The following BHMT variants were observed in gnomAD, a reference collection of about 807,000 sequenced individuals.
BHMT encodes betaine--homocysteine S-methyltransferase 1.
In BHMT, 38 loss-of-function variants were observed where a neutral mutation model predicts 49.5. That is an observed-to-expected ratio of 0.77 (90% CI 0.59 to 1.01). BHMT has a LOEUF of 1.01. Ranked by LOEUF, BHMT falls within the 50% of genes least tolerant of loss-of-function variation. BHMT has a pLI of 0.00. For missense variants in BHMT, 426 were observed against 495.7 expected, an observed-to-expected ratio of 0.86 and a Z score of 1.34; for synonymous variants, 166 against 176.3, an observed-to-expected ratio of 0.94 and a Z score of 0.46.
intron 5 of BHMT, 54 bp downstream of exon 5, chr5:79,121,419 A>G: frequency 6.3e-7 from 1 of 1,599,458 alleles, no homozygotes. Flanking sequence ...AGAACACACT[A>G]GTGCACATCT....
At chr5:79,116,921 C>G (rs1012176725) in intron 2 of BHMT, among the ~76,000 whole-genome samples, 4 of 152,268 alleles carry the variant, frequency 2.6e-5, no homozygotes, top group Middle Eastern at 3.4e-3. Flanking sequence ...AATTACCAGC[C>G]TCATTCTCTT....
At chr5:79,115,718 A>G in intron 1 of BHMT, 49 bp from the exon 2 acceptor site, 1 of 1,509,350 alleles carries the variant, frequency 6.6e-7, no homozygotes, top group Non-Finnish European at 8.9e-7. Flanking sequence ...ATAGAAAATT[A>G]TCTTAAACAC....
rs1172665410 is a variant in BHMT, at chr5:79,126,164, C to G, written c.744C>G (p.Pro248=). 6.2e-7 allele frequency: 1 copy of G among 1,613,818 alleles called. No individual in the cohort carries two copies. Among genetic ancestry groups the G allele is most frequent in the Non-Finnish European group, 8.5e-7 (1 of 1,179,704 alleles). ...ARLKAHLMSQ[P]LAYHTPDCNK... The stretch of plus-strand genomic sequence containing the variant: ...TGAAAGCTCACCTGATGAGCCAGCC[C>G]TTGGCTTACCACACTCCTGACTGCA... The change falls in exon 6 of 8, where the codon CCC becomes CCG. Residue 248 remains proline, a synonymous_variant. Transcript: ENST00000274353.
intron 1 of BHMT, among the ~76,000 whole-genome samples, chr5:79,114,146 A>G (rs1045732268): frequency 2.7e-5 from 4 of 149,894 alleles, no homozygotes; most frequent in Non-Finnish European, 5.9e-5. Flanking sequence ...GTTGTTAATT[A>G]GGTCATAATC....
intron 7 of BHMT, 166 bp downstream of exon 7, chr5:79,128,149 G>T: frequency 1.1e-6 from 1 of 913,140 alleles, no homozygotes; most frequent in Non-Finnish European, 1.6e-6. Context: ...GATTTCTGGA[G>T]ATTGTTTTAA....
intron 5 of BHMT, among the ~76,000 whole-genome samples, chr5:79,123,516 T>TTTGG (rs776530378): frequency 3.1e-4 from 32 of 103,006 alleles, no homozygotes; most frequent in African/African-American, 7.6e-4. Context: ...AAAAGTCCTT[T>TTTGG]TTGGTTGGTT....
chr5:79,119,943 T>C (rs991162735), intron 3 of BHMT, among the ~76,000 whole-genome samples: 2 of 152,208 alleles, frequency 1.3e-5, no homozygotes, highest in African/African-American at 4.8e-5. Context: ...AGAATATACA[T>C]ACAAAAACAT....
intron 6 of BHMT, 63 bp from the exon 7 acceptor site, chr5:79,127,692 C>T: frequency 1.9e-6 from 3 of 1,548,856 alleles, no homozygotes; most frequent in Non-Finnish European, 2.6e-6. Context: ...CTTGTAGCTA[C>T]TTATCTTGAA....
chr5:79,128,179 C>T, intron 7 of BHMT, 196 bp downstream of exon 7: 2 of 786,302 alleles, frequency 2.5e-6, no homozygotes, highest in Non-Finnish European at 1.9e-6. Context: ...ACGTATTTGA[C>T]CTGATTTTGG....
At chr5:79,115,385 TAAG>T (rs35639243) in intron 1 of BHMT, among the ~76,000 whole-genome samples, 59,426 of 151,468 alleles carry the variant, frequency 0.39, 14,103 homozygotes, top group East Asian at 0.6. Context: ...GTTGATAGAG[TAAG>T]AAGACTAGTA....
intron 2 of BHMT, 58 bp downstream of exon 2, chr5:79,115,957 C>A (rs767237180): frequency 9.5e-5 from 144 of 1,511,066 alleles, no homozygotes; most frequent in Non-Finnish European, 1.2e-4. Flanking sequence ...GAGGCTCATG[C>A]CTGTAATCCC....
At chr5:79,125,357 G>A (rs1756536358) in intron 5 of BHMT, among the ~76,000 whole-genome samples, 2 of 151,186 alleles carry the variant, frequency 1.3e-5, no homozygotes, top group African/African-American at 4.9e-5. Flanking sequence ...TCAGGAGGCT[G>A]AGGCAGGAGA....
intron 2 of BHMT, 93 bp downstream of exon 2, chr5:79,115,992 A>G (rs1211719165): frequency 1.1e-5 from 15 of 1,408,206 alleles, no homozygotes; most frequent in Non-Finnish European, 1.3e-5. Flanking sequence ...CTGAGGTGGG[A>G]AGACCACTTG....
intron 1 of BHMT, among the ~76,000 whole-genome samples, chr5:79,113,719 T>C (rs932269540): frequency 2.0e-5 from 3 of 152,302 alleles, no homozygotes; most frequent in Non-Finnish European, 4.4e-5. Flanking sequence ...ATGGTATATT[T>C]TTTTCATAGC....
intron 1 of BHMT, among the ~76,000 whole-genome samples, chr5:79,114,253 T>C (rs1756351313): frequency 6.6e-6 from 1 of 152,148 alleles, no homozygotes; most frequent in Non-Finnish European, 1.5e-5. Context: ...ATTTTTGTTG[T>C]GCTTTGTTAT....
chr5:79,126,246 T>C lies in BHMT; in HGVS notation c.808+18T>C, dbSNP rs145803121. On this transcript the variant is annotated intron_variant, in intron 6 of 7. Coordinates refer to ENST00000274353, the MANE Select transcript of BHMT (RefSeq NM_001713.3). ...CCCATTTGGTAAGACCAACATTTGA[T>C]GAATCATCTCAATATCTTCATTTGA... is the stretch of plus-strand genomic sequence containing the variant. The C allele has an allele frequency of 1.2e-6, 2 of 1,611,276 alleles. No individual in the cohort carries two copies. Among genetic ancestry groups the C allele is most frequent in the East Asian group, 4.5e-5 (2 of 44,840 alleles).
intron 1 of BHMT, 54 bp from the exon 2 acceptor site, chr5:79,115,711 GAA>G: frequency 6.8e-7 from 1 of 1,466,546 alleles, no homozygotes; most frequent in Non-Finnish European, 9.1e-7. Flanking sequence ...AATAAAAATA[GAA>G]AATTATCTTA....
At chr5:79,117,097 T>G (rs1439380191) in intron 2 of BHMT, among the ~76,000 whole-genome samples, 1 of 152,198 alleles carries the variant, frequency 6.6e-6, no homozygotes, top group Non-Finnish European at 1.5e-5. Flanking sequence ...ATCACTGCAG[T>G]TTTAGAAGCA....
chr5:79,120,634 A>T (rs1756453598), intron 4 of BHMT, 93 bp downstream of exon 4: 1 of 1,140,528 alleles, frequency 8.8e-7, no homozygotes, highest in Admixed American at 3.1e-5. Context: ...GTTAGGTGAC[A>T]ATCATAACTA....
Sources: allele counts gnomAD v4.1 joint callset (sites outside exome capture counted in the v4.1 genomes callset), GRCh38; gene constraint gnomAD v4.1.1; transcripts MANE v1.5; gene names NCBI Gene and HGNC (gene_info 2026-07-23, HGNC 2026-07-21).